The following CCNH variants were observed in gnomAD, a reference collection of about 807,000 sequenced individuals.
The protein encoded by CCNH is cyclin H, also known as cyclin-H.
CCNH carries 31 observed loss-of-function variants against 41.9 expected under a neutral mutation model. The observed-to-expected ratio is 0.74, with a 90% confidence interval of 0.56 to 1.00. The LOEUF (loss-of-function observed/expected upper bound fraction) is 1.00. Among genes scored for constraint, CCNH ranks in the 50% least tolerant of loss-of-function variants. CCNH has a pLI of 0.00. For synonymous variants in CCNH, 138 were observed against 136.1 expected (o/e 1.01, Z -0.10); for missense variants, 362 against 388.4 (o/e 0.93, Z 0.57).
At chr5:87,411,153 G>C in intron 2 of CCNH, 71 bp downstream of exon 2, 1 of 1,457,346 alleles carries the variant, frequency 6.9e-7, no homozygotes, top group Non-Finnish European at 9.2e-7. Context: ...TGAGTGGACA[G>C]GGAATTTAGA....
chr5:87,332,608 G>A (rs1757680581), intron 9 of CCNH: 1 of 1,610,944 alleles, frequency 6.2e-7, no homozygotes, highest in Non-Finnish European at 8.5e-7. Flanking sequence ...TTGCTTAAAG[G>A]AGAAAAATTA....
intron 9 of CCNH, chr5:87,383,622 C>G: frequency 1.0e-6 from 1 of 977,182 alleles, no homozygotes; most frequent in Non-Finnish European, 1.5e-6. Flanking sequence ...TCTATGAGTA[C>G]TAAAAATTCT....
At chr5:87,410,376 A>C (rs895246036) in intron 2 of CCNH, among the ~76,000 whole-genome samples, 1 of 151,892 alleles carries the variant, frequency 6.6e-6, no homozygotes, top group African/African-American at 2.4e-5. Flanking sequence ...TATACCTAAA[A>C]CTCTCTCTGA....
chr5:87,361,395 A>C (rs1052942762), intron 9 of CCNH, among the ~76,000 whole-genome samples: 3 of 152,222 alleles, frequency 2.0e-5, no homozygotes, highest in Non-Finnish European at 4.4e-5. Context: ...ATGAAACAGC[A>C]TAATGTTTCA....
chr5:87,394,867 G>T (rs952261224), intron 8 of CCNH, 177 bp downstream of exon 8: 1 of 1,393,254 alleles, frequency 7.2e-7, no homozygotes, highest in East Asian at 2.6e-5. Flanking sequence ...AAAGACAGAA[G>T]AGAGAAAAAT....
At chr5:87,389,175 C>CA, downstream of CCNH, 1 of 448,154 alleles carries the variant, frequency 2.2e-6, no homozygotes, top group Non-Finnish European at 4.1e-6. Context: ...GTATTTGTAA[C>CA]AAAAAATTAG....
At chr5:87,411,903 G>C (rs1013153734) in intron 1 of CCNH, among the ~76,000 whole-genome samples, 1 of 152,142 alleles carries the variant, frequency 6.6e-6, no homozygotes, top group Non-Finnish European at 1.5e-5. Context: ...TCGGTAATTT[G>C]GAGGCACTGA....
At chr5:87,361,827 T>A (rs998764729) in intron 9 of CCNH, among the ~76,000 whole-genome samples, 9 of 151,884 alleles carry the variant, frequency 5.9e-5, no homozygotes, top group African/African-American at 9.7e-5. Context: ...AATATAAATA[T>A]GTTGCTTAGT....
At chr5:87,381,115 T>C (rs1326224170), upstream of CCNH, among the ~76,000 whole-genome samples, 1 of 152,222 alleles carries the variant, frequency 6.6e-6, no homozygotes, top group African/African-American at 2.4e-5. Context: ...GACTTCATTA[T>C]CATTATTCTA....
rs925212346 is a variant in CCNH at position 87,412,312 on chromosome 5, T to G, written c.117+366A>C. ...CCTCCCTCCCACTCTGAACGGTGGT[T>G]CTGACTGCCTGGAACTTCCTTTCCC... is the stretch of plus-strand genomic sequence containing the variant. On this transcript the variant is annotated intron_variant, in intron 1 of 8. Coordinates refer to ENST00000256897, the MANE Select transcript of CCNH (RefSeq NM_001239.4). The G allele has an allele frequency of 5.4e-5, 38 of 708,052 alleles. No homozygotes were observed. In the African/African-American group the frequency reaches 5.6e-4, roughly 10 times the overall value. The allele number at this position is 708,052 out of a possible 1,614,324, so 43.9% of individuals were successfully genotyped here.
chr5:87,319,479 C>T (rs1756613873), intron 9 of CCNH, among the ~76,000 whole-genome samples: 2 of 152,222 alleles, frequency 1.3e-5, no homozygotes, highest in Admixed American at 1.3e-4. Context: ...CTTTTGTGCA[C>T]CCACAGACCC....
chr5:87,371,395 T>C (rs1270543279), downstream of CCNH, among the ~76,000 whole-genome samples: 1 of 152,048 alleles, frequency 6.6e-6, no homozygotes, highest in African/African-American at 2.4e-5. Context: ...AAAGACATAA[T>C]TGAATAAAGC....
In CCNH at chr5:87,399,388, A is replaced by G. The variant is rs1189555022; in HGVS notation, c.872+6T>C. On this transcript the variant is annotated splice_donor_region_variant and intron_variant, in intron 7 of 8. Coordinates refer to ENST00000256897, the MANE Select transcript of CCNH (RefSeq NM_001239.4). ...TCTATTGATTAACACTGTCACATTA[A>G]CTTACGTGATTACGTTAAGTGCAAG... 2 of 1,593,766 alleles carry G rather than the reference A, an allele frequency of 1.3e-6. No homozygotes were observed. The highest frequency in any genetic ancestry group is 1.7e-5 in the Admixed American group (1 of 59,940).
rs1196667743 is a variant in CCNH at position 87,404,847 on chromosome 5, T to C, written c.686A>G (p.Glu229Gly). The C allele has an allele frequency of 6.9e-6, 11 of 1,605,026 alleles. No homozygotes were observed. The highest frequency in any genetic ancestry group is 9.3e-6 in the Non-Finnish European group (11 of 1,177,044). The stretch of plus-strand genomic sequence containing the variant: ...AAGTTAAAAAACTAATTAATACCTT[T>C]CCATAGTAATTCCAGCCCTGGAGGC... ...SSASRAGITM[E>G]SYLSESLMLK... Residue 229 changes from glutamate to glycine, a missense_variant, in exon 5 of 9, where the codon GAA (glutamate) becomes GGA (glycine). Coordinates refer to ENST00000256897, the MANE Select transcript of CCNH (RefSeq NM_001239.4).
rs374993077 is a variant in CCNH at position 87,353,255 on chromosome 5, T to C, written c.*91-34358A>G. 2.7e-5 allele frequency: 42 copies of C among 1,548,006 alleles called. No homozygotes were observed. In the East Asian group the frequency reaches 2.9e-4, roughly 11 times the overall value. On this transcript the variant is annotated intron_variant and NMD_transcript_variant, in intron 9 of 9. Transcript: ENST00000645953. ...ATGCAGGTCAGTGTTGCATTTCTTA[T>C]TGCAATAATTAGCATTTTATTTTAA...
chr5:87,379,324 G>A (rs1401689873), upstream of CCNH, among the ~76,000 whole-genome samples: 4 of 152,098 alleles, frequency 2.6e-5, no homozygotes, highest in African/African-American at 4.8e-5. Flanking sequence ...ACGGAATTCC[G>A]ACTTCCATAG....
upstream of CCNH, among the ~76,000 whole-genome samples, chr5:87,379,313 T>C (rs1360506718): frequency 1.3e-5 from 2 of 152,176 alleles, no homozygotes; most frequent in African/African-American, 4.8e-5. Flanking sequence ...AGAGATAGGC[T>C]ACGGAATTCC....
chr5:87,312,234 T>G, the CCNH span, among the ~76,000 whole-genome samples: 1 of 152,208 alleles, frequency 6.6e-6, no homozygotes, highest in East Asian at 1.9e-4. Flanking sequence ...TAAGTAATAG[T>G]CTTCATATAC....
downstream of CCNH, chr5:87,375,003 TAAAA>T (rs916770003): frequency 1.4e-5 from 20 of 1,479,142 alleles, no homozygotes; most frequent in Non-Finnish European, 1.7e-5. Flanking sequence ...AAATAGAAAT[TAAAA>T]AAACAGAAAT....
Sources: allele counts gnomAD v4.1 joint callset (sites outside exome capture counted in the v4.1 genomes callset), GRCh38; gene constraint gnomAD v4.1.1; transcripts MANE v1.5; gene names NCBI Gene and HGNC (gene_info 2026-07-23, HGNC 2026-07-21).